The following MYLK variants were observed in gnomAD, a reference collection of about 807,000 sequenced individuals.
MYLK encodes myosin light chain kinase.
Under a neutral mutation model 203.4 loss-of-function variants are expected in MYLK, and 106 were observed. The observed-to-expected ratio is 0.52, with a 90% CI of 0.45 to 0.61. The LOEUF is 0.61. MYLK is among the 20% of genes least tolerant of loss of function. The probability of loss-of-function intolerance (pLI) is 0.00; values close to 1 mark genes in which losing one functional copy is unlikely to be tolerated. For missense variants in MYLK, 2,072 were observed against 2,442.3 expected (o/e 0.85, Z 3.20); for synonymous variants, 867 against 959.5 (o/e 0.90, Z 1.78).
intron 29 of MYLK, among the ~76,000 whole-genome samples, chr3:123,631,730 A>G (rs2058433020): frequency 6.6e-6 from 1 of 151,810 alleles, no homozygotes; most frequent in African/African-American, 2.4e-5. Context: ...TTAAAGCAAG[A>G]CCCTGATTTA....
chr3:123,698,566 C>T (rs1227423220), intron 18 of MYLK, among the ~76,000 whole-genome samples: 46 of 152,180 alleles, frequency 3.0e-4, no homozygotes, highest in Admixed American at 2.9e-3. Flanking sequence ...CCCAATAATC[C>T]CCCATGCCTC....
intron 12 of MYLK, among the ~76,000 whole-genome samples, chr3:123,724,154 T>C (rs1024896843): frequency 7.2e-6 from 1 of 139,462 alleles, no homozygotes; most frequent in African/African-American, 2.7e-5. Context: ...TTTTTTTTTT[T>C]TTTTTTTTTT....
chr3:123,652,617 G>A lies in MYLK; in HGVS notation c.4289-3423C>T, dbSNP rs970043266. ...GGGAGCGGTACAGGCTTTATATCTC[G>A]AACTGTCCTGGGGGTTGCAAGGAGG... On this transcript the variant is annotated intron_variant, in intron 24 of 33. Transcript: ENST00000360304. Among the ~76,000 whole-genome samples, 11 of 152,218 alleles carry A rather than the reference G, an allele frequency of 7.2e-5. 1 individual carries two copies. Among genetic ancestry groups the A allele is most frequent in the Admixed American group, 4.6e-4 (7 of 15,282 alleles).
chr3:123,699,807 G>T (rs536985760), intron 18 of MYLK, among the ~76,000 whole-genome samples: 3 of 152,340 alleles, frequency 2.0e-5, no homozygotes, highest in Admixed American at 2.0e-4. Context: ...CAGCCTTGGT[G>T]CATGTACCCA....
chr3:123,821,250 T>C (rs2065928150), intron 3 of MYLK, among the ~76,000 whole-genome samples: 1 of 152,238 alleles, frequency 6.6e-6, no homozygotes, highest in South Asian at 2.1e-4. Flanking sequence ...TTTTAGATTT[T>C]ACTGTCTAAA....
chr3:123,665,425 C>T (rs1015512681), intron 22 of MYLK, among the ~76,000 whole-genome samples: 3 of 152,212 alleles, frequency 2.0e-5, no homozygotes, highest in African/African-American at 7.2e-5. Context: ...CTTCTCATTT[C>T]CATCTTTTGA....
intron 3 of MYLK, among the ~76,000 whole-genome samples, chr3:123,810,846 G>A (rs1185932788): frequency 1.3e-5 from 2 of 152,220 alleles, no homozygotes; most frequent in Non-Finnish European, 2.9e-5. Flanking sequence ...CAGTGATGTT[G>A]CTGAGAACAA....
chr3:123,727,961 T>A (rs939261124), intron 11 of MYLK, among the ~76,000 whole-genome samples: 1 of 152,102 alleles, frequency 6.6e-6, no homozygotes, highest in African/African-American at 2.4e-5. Context: ...AGAACACCCA[T>A]CAGATGACCT....
intron 5 of MYLK, among the ~76,000 whole-genome samples, chr3:123,745,093 C>T (rs2062975397): frequency 6.6e-6 from 1 of 151,982 alleles, no homozygotes; most frequent in Admixed American, 6.6e-5. Context: ...TTAATCTTCC[C>T]TCTAAATGAT....
chr3:123,837,429 T>C (rs1291858000), intron 2 of MYLK, among the ~76,000 whole-genome samples: 1 of 150,848 alleles, frequency 6.6e-6, no homozygotes, highest in Non-Finnish European at 1.5e-5. Flanking sequence ...GTTTTATCAA[T>C]GTAGCCTTTG....
intron 2 of MYLK, among the ~76,000 whole-genome samples, chr3:123,837,506 A>G (rs1174862500): frequency 1.4e-5 from 2 of 147,814 alleles, no homozygotes; most frequent in Non-Finnish European, 3.0e-5. Context: ...TATATATATT[A>G]CATATAATAT....
intron 33 of MYLK, 114 bp from the exon 34 acceptor site, chr3:123,614,463 T>A: frequency 7.8e-7 from 1 of 1,281,412 alleles, no homozygotes; most frequent in Non-Finnish European, 1.1e-6. Context: ...AAGGAGAAAA[T>A]TTTGATGTTG....
At chr3:123,626,676 G>C (rs767041456) in intron 31 of MYLK, 142 bp downstream of exon 31, 27 of 1,168,522 alleles carry the variant, frequency 2.3e-5, no homozygotes, top group Non-Finnish European at 2.7e-5. Flanking sequence ...ACCTTAATCA[G>C]CTGCCTAAAT....
Position 123,647,331 on chromosome 3 carries a change from C to A in MYLK, c.4512G>T (p.Glu1504Asp), listed in dbSNP as rs1312599058. 1.2e-6 allele frequency: 2 copies of A among 1,614,240 alleles called. No individual in the cohort carries two copies. Among genetic ancestry groups the A allele is most frequent in the South Asian group, 2.2e-5 (2 of 91,086 alleles). ...FFKAYSAKEK[E>D]NIRQEISIMN... ...TGATGCTAATCTCCTGCCGGATATT[C>A]TCTTTCTCTTTTGCTGAATATGCCT... Residue 1504 changes from glutamate to aspartate, a missense_variant, in exon 27 of 34, where the codon GAG (glutamate) becomes GAT (aspartate). Around this residue, in one of 3 missense-constraint regions of MYLK, gnomAD observed 524 missense variants for 782.4 expected, o/e 0.67. Transcript: ENST00000360304.
intron 31 of MYLK, chr3:123,622,128 G>A (rs1017171735): frequency 1.3e-5 from 2 of 152,346 alleles, no homozygotes; most frequent in Non-Finnish European, 2.9e-5. Flanking sequence ...CCCTCCCTAC[G>A]TAGTCAATGT....
chr3:123,881,278 T>C (rs935095470), intron 1 of MYLK, among the ~76,000 whole-genome samples: 21 of 152,136 alleles, frequency 1.4e-4, no homozygotes, highest in African/African-American at 4.8e-4. Flanking sequence ...CAATAGACCC[T>C]GCTCAGGCCT....
At position 123,700,259 on chromosome 3, in the gene MYLK, T is replaced by C. The variant is rs751450529; in HGVS notation, c.3209A>G (p.Asp1070Gly). The C allele has an allele frequency of 3.3e-5, 54 of 1,612,408 alleles. 1 individual carries two copies. In the South Asian group the frequency reaches 4.8e-4, roughly 14 times the overall value. ...KSASKEELKK[D>G]VKNDVNCKRG... ...CTTGCAGTTCACATCATTCTTAACG[T>C]CTTTCTTGAGTTCTTCTTTGCTAGC... The change falls in exon 18 of 34, where the codon GAC becomes GGC. Residue 1070 changes from aspartate to glycine, a missense_variant. This residue lies in a region of MYLK where 865 missense variants were observed against 1,016.0 expected (regional missense o/e 0.85). Coordinates refer to ENST00000360304, the MANE Select transcript of MYLK (RefSeq NM_053025.4).
At position 123,647,378 on chromosome 3, in the gene MYLK, C is replaced by T; in HGVS notation, c.4465G>A (p.Val1489Ile). The T allele has an allele frequency of 6.2e-7, 1 of 1,614,250 alleles. No individual in the cohort carries two copies. Among genetic ancestry groups the T allele is most frequent in the Non-Finnish European group, 8.5e-7 (1 of 1,180,044 alleles). ...GCCTTGAAGAACTTCCCTGCCCAGA[C>T]TTTTCGAGTTTTCTTTTCTACAAGT... ...FRLVEKKTRK[V>I]WAGKFFKAYS... is the part of the protein sequence containing the mutation. The change falls in exon 27 of 34, where the codon GTC (valine) becomes ATC (isoleucine). Residue 1489 changes from valine (V) to isoleucine (I), a missense_variant. This residue lies in a region of MYLK where 524 missense variants were observed against 782.4 expected (regional missense o/e 0.67). Coordinates refer to ENST00000360304, the MANE Select transcript of MYLK (RefSeq NM_053025.4).
chr3:123,690,913 C>T (rs2060634102), intron 19 of MYLK, among the ~76,000 whole-genome samples: 1 of 152,080 alleles, frequency 6.6e-6, no homozygotes, highest in African/African-American at 2.4e-5. Context: ...AATCTGCCAG[C>T]AGACTCTGGG....
Sources: gnomAD v4.1 joint callset for allele counts (sites outside exome capture counted in the v4.1 genomes callset) on GRCh38, gnomAD v4.1.1 for gene constraint, gnomAD v4.1.1 regional missense constraint, MANE v1.5 for transcripts, NCBI Gene and HGNC (gene_info 2026-07-23, HGNC 2026-07-21) for gene names.